Variants in ARHGAP26 observed in about 807,000 individuals in gnomAD.
ARHGAP26 encodes Rho GTPase activating protein 26.
Under a neutral mutation model 104.8 loss-of-function variants are expected in ARHGAP26, and 38 were observed. The observed-to-expected ratio is 0.36, with a 90% CI of 0.28 to 0.48. The LOEUF (loss-of-function observed/expected upper bound fraction) is 0.48. ARHGAP26 is among the 20% of genes least tolerant of loss of function. ARHGAP26 has a pLI of 0.99. For missense variants in ARHGAP26, 704 were observed against 947.9 expected, an observed-to-expected ratio of 0.74 and a Z score of 3.38; for synonymous variants, 341 against 340.0, an observed-to-expected ratio of 1.00 and a Z score of -0.03.
At chr5:142,987,702 T>C (rs1476289578) in intron 11 of ARHGAP26, among the ~76,000 whole-genome samples, 1 of 152,228 alleles carries the variant, frequency 6.6e-6, no homozygotes, top group Non-Finnish European at 1.5e-5. Flanking sequence ...GTTTTTAGCA[T>C]GAAGAGCTGT....
intron 15 of ARHGAP26, among the ~76,000 whole-genome samples, chr5:143,055,189 G>A (rs1003989734): frequency 1.3e-5 from 2 of 152,214 alleles, no homozygotes; most frequent in Non-Finnish European, 2.9e-5. Context: ...ACCAAAAAAG[G>A]TGGGACCTAG....
At chr5:142,999,467 C>T (rs998263319) in intron 11 of ARHGAP26, among the ~76,000 whole-genome samples, 3 of 151,952 alleles carry the variant, frequency 2.0e-5, no homozygotes, top group Non-Finnish European at 2.9e-5. Context: ...GAGAGTGAGG[C>T]GGGTTAAGGC....
chr5:142,825,903 G>T (rs762171822), intron 1 of ARHGAP26, among the ~76,000 whole-genome samples: 2 of 152,204 alleles, frequency 1.3e-5, no homozygotes, highest in Non-Finnish European at 2.9e-5. Context: ...TTCCCGTGCT[G>T]TGTGCTGGCT....
At chr5:142,948,817 T>C (rs1767576291) in intron 11 of ARHGAP26, among the ~76,000 whole-genome samples, 1 of 152,032 alleles carries the variant, frequency 6.6e-6, no homozygotes, top group South Asian at 2.1e-4. Context: ...AAGAGTACAT[T>C]AAACAGGTCG....
chr5:143,165,693 AATTCTTTAGTC>A (rs1468386839), intron 20 of ARHGAP26, among the ~76,000 whole-genome samples: 1 of 152,156 alleles, frequency 6.6e-6, no homozygotes, highest in African/African-American at 2.4e-5. Context: ...CCCAATGGGT[AATTCTTTAGTC>A]ATCACCCCAC....
intron 12 of ARHGAP26, among the ~76,000 whole-genome samples, chr5:143,029,410 T>G (rs1781551109): frequency 1.5e-5 from 2 of 137,862 alleles, no homozygotes; most frequent in East Asian, 2.1e-4. Flanking sequence ...TTTTTTTTTT[T>G]TTTTTTTTTT....
intron 22 of ARHGAP26, among the ~76,000 whole-genome samples, chr5:143,214,676 C>T (rs1375385484): frequency 6.6e-6 from 1 of 152,156 alleles, no homozygotes; most frequent in East Asian, 1.9e-4. Flanking sequence ...TCCACAGGGG[C>T]TGCCATTGTG....
chr5:142,886,350 T>C lies in ARHGAP26; in HGVS notation c.486+951T>C, dbSNP rs553610452. Among the ~76,000 whole-genome samples, 7 of 152,324 alleles carry C rather than the reference T, an allele frequency of 4.6e-5. No homozygotes were observed. The East Asian group carries it at 1.3e-3, about 29-fold the overall frequency. ...AAGGTTGAAGTAACTCAGGAGATGG[T>C]GGAGTTCAATCCCCTCCCAACCACA... On this transcript the variant is annotated intron_variant, in intron 5 of 22. Transcript: ENST00000645722.
chr5:143,197,022 T>G (rs1268005748), intron 20 of ARHGAP26, among the ~76,000 whole-genome samples: 1 of 152,260 alleles, frequency 6.6e-6, no homozygotes, highest in Non-Finnish European at 1.5e-5. Flanking sequence ...CTTCATTTGC[T>G]CAACCACATT....
chr5:143,128,559 C>T (rs1170216552), intron 18 of ARHGAP26, among the ~76,000 whole-genome samples: 1 of 152,224 alleles, frequency 6.6e-6, no homozygotes, highest in Non-Finnish European at 1.5e-5. Context: ...AATTTGGCTT[C>T]TTAACAGTTA....
chr5:142,894,291 A>C lies in ARHGAP26; in HGVS notation c.540A>C (p.Glu180Asp), dbSNP rs746441855. ...AGCATTTCTATGAAGTATCCCTGGA[A>C]TATGTCTTCAAGGTGCAGGAAGTCC... is the stretch of plus-strand genomic sequence containing the variant. ...VRQHFYEVSLEYVFKVQEVQE... is the reference protein window; with the variant it reads ...VRQHFYEVSLDYVFKVQEVQE... The change falls in exon 6 of 23, where the codon GAA becomes GAC. Residue 180 changes from glutamate to aspartate, a missense_variant. Physicochemically the swap from Glu to Asp is conservative, Grantham distance 45. Around this residue, in one of 6 missense-constraint regions of ARHGAP26, gnomAD observed 106 missense variants for 120.5 expected, o/e 0.88. Transcript: ENST00000645722. 2 of 1,614,130 alleles carry C rather than the reference A, an allele frequency of 1.2e-6. No homozygotes were observed. Among genetic ancestry groups the C allele is most frequent in the Admixed American group, 1.7e-5 (1 of 60,028 alleles).
At chr5:143,096,537 G>A (rs980444621) in intron 17 of ARHGAP26, among the ~76,000 whole-genome samples, 2 of 152,178 alleles carry the variant, frequency 1.3e-5, no homozygotes, top group East Asian at 1.9e-4. Context: ...CAACTCAGTC[G>A]CACAACTGCT....
intron 11 of ARHGAP26, among the ~76,000 whole-genome samples, chr5:142,948,315 A>C (rs1767477157): frequency 6.6e-6 from 1 of 151,992 alleles, no homozygotes; most frequent in Non-Finnish European, 1.5e-5. Context: ...TAAAATTAGG[A>C]TGGGTGTGCA....
rs1234406750 is a variant in ARHGAP26 at position 143,011,234 on chromosome 5, T to C, written c.1108-2846T>C. On this transcript the variant is annotated intron_variant, in intron 11 of 22. Coordinates refer to ENST00000645722, the MANE Select transcript of ARHGAP26 (RefSeq NM_001135608.3). ...TTCCCAAGGAGGTACCCCTCATCATTCAGGCCTGGCGCAAACGTCATCTCT... is the reference window on the plus strand; with the variant it reads ...TTCCCAAGGAGGTACCCCTCATCATCCAGGCCTGGCGCAAACGTCATCTCT... Among the ~76,000 whole-genome samples the C allele has an allele frequency of 2.0e-5, 3 of 151,480 alleles. No homozygotes were observed. The East Asian group carries it at 5.8e-4, about 29-fold the overall frequency.
In ARHGAP26 at chr5:143,066,660, A is replaced by T. The variant is rs1360458850; in HGVS notation, c.1538+8913A>T. Among the ~76,000 whole-genome samples the T allele has an allele frequency of 3.3e-5, 5 of 152,206 alleles. No individual in the cohort carries two copies. In the East Asian group the frequency reaches 7.7e-4, roughly 23 times the overall value. The stretch of plus-strand genomic sequence containing the variant: ...ATGGGGCTTTCTTCATAGTTTTGTT[A>T]TTGGCAAGCAAAACCCTGAGGGCTG... On this transcript the variant is annotated intron_variant, in intron 17 of 22. Transcript: ENST00000645722.
intron 12 of ARHGAP26, among the ~76,000 whole-genome samples, chr5:143,033,685 T>A (rs1365586491): frequency 1.3e-5 from 2 of 152,212 alleles, no homozygotes; most frequent in African/African-American, 4.8e-5. Context: ...ATGCCTAGAA[T>A]AAGACCATGT....
At chr5:143,074,917 G>A (rs1598899737) in intron 17 of ARHGAP26, among the ~76,000 whole-genome samples, 1 of 152,176 alleles carries the variant, frequency 6.6e-6, no homozygotes, top group African/African-American at 2.4e-5. Context: ...CAGCCTAGAG[G>A]GTAGCATGGG....
chr5:142,960,080 C>T (rs531822907), intron 11 of ARHGAP26, among the ~76,000 whole-genome samples: 5 of 152,338 alleles, frequency 3.3e-5, no homozygotes, highest in African/African-American at 1.2e-4. Flanking sequence ...GGCCTCATGG[C>T]CATAGCTGAA....
At position 143,219,930 on chromosome 5, in the gene ARHGAP26, G is replaced by A. The variant is rs528188704; in HGVS notation, c.2192-2428G>A. Among the ~76,000 whole-genome samples, 5 of 152,376 alleles carry A rather than the reference G, an allele frequency of 3.3e-5. No homozygotes were observed. The South Asian group carries it at 8.3e-4, about 25-fold the overall frequency. The stretch of plus-strand genomic sequence containing the variant: ...GAGTCAGCAGTCCAACCCAAAGGCT[G>A]TGTTATCTCCTGCCATCTCCTGTGA... On this transcript the variant is annotated intron_variant, in intron 22 of 22. Coordinates refer to ENST00000645722, the MANE Select transcript of ARHGAP26 (RefSeq NM_001135608.3).
Sources: allele counts gnomAD v4.1 joint callset (sites outside exome capture counted in the v4.1 genomes callset), GRCh38; gene constraint gnomAD v4.1.1; regional missense constraint gnomAD v4.1.1; transcripts MANE v1.5; gene names NCBI Gene and HGNC (gene_info 2026-07-23, HGNC 2026-07-21).